The following GRIN2A variants were observed in gnomAD, a reference collection of about 807,000 sequenced individuals.
The protein encoded by GRIN2A is glutamate receptor ionotropic, NMDA 2A.
GRIN2A carries 22 observed loss-of-function variants against 113.4 expected under a neutral mutation model. That is an observed-to-expected ratio of 0.19 (90% CI 0.14 to 0.28). The LOEUF (loss-of-function observed/expected upper bound fraction) is 0.28. Ranked by LOEUF, GRIN2A falls within the 10% of genes least tolerant of loss-of-function variation. GRIN2A has a pLI of 1.00. For synonymous variants in GRIN2A, 827 were observed against 738.4 expected, an observed-to-expected ratio of 1.12 and a Z score of -1.94; for missense variants, 1,502 against 1,887.0, an observed-to-expected ratio of 0.80 and a Z score of 3.78.
At chr16:10,108,002 G>C (rs1263175841) in intron 2 of GRIN2A, among the ~76,000 whole-genome samples, 1 of 152,210 alleles carries the variant, frequency 6.6e-6, no homozygotes, top group Non-Finnish European at 1.5e-5. Context: ...CCCTGGGCTA[G>C]ATCCTACTCA....
chr16:9,979,193 C>A (rs937081077), intron 2 of GRIN2A, among the ~76,000 whole-genome samples: 19 of 152,144 alleles, frequency 1.2e-4, no homozygotes, highest in African/African-American at 4.6e-4. Context: ...AAGATTCAAG[C>A]TCTCATTCTG....
At chr16:10,115,166 T>C (rs955823939) in intron 2 of GRIN2A, among the ~76,000 whole-genome samples, 1 of 152,240 alleles carries the variant, frequency 6.6e-6, no homozygotes, top group Non-Finnish European at 1.5e-5. Context: ...GAGACAGTCT[T>C]AAGACGGCTC....
At chr16:10,174,119 A>G (rs1259851115) in intron 2 of GRIN2A, among the ~76,000 whole-genome samples, 1 of 152,222 alleles carries the variant, frequency 6.6e-6, no homozygotes, top group East Asian at 1.9e-4. Flanking sequence ...AGCCATGAGA[A>G]CAGAGGTGTC....
Position 10,180,897 on chromosome 16 carries a change from A to G in GRIN2A, c.-18-468T>C. 1 of 202,028 alleles carries G rather than the reference A, an allele frequency of 4.9e-6. No homozygotes were observed. The highest frequency in any genetic ancestry group is 8.8e-5 in the South Asian group (1 of 11,402). The allele number at this position is 202,028 out of a possible 1,614,324, so 12.5% of individuals were successfully genotyped here. A position where few individuals can be genotyped will look rare whatever the true frequency, so the allele number is the denominator to read the frequency against. ...CCCCTGCTGGCGCGGAGCGAACTACAGACCCCGCAGGGCGTGCGGAGGCGG... is the reference window on the plus strand; with the variant it reads ...CCCCTGCTGGCGCGGAGCGAACTACGGACCCCGCAGGGCGTGCGGAGGCGG... On this transcript the variant is annotated intron_variant, in intron 1 of 12. Transcript: ENST00000330684. The surrounding 1 kb of genome is among the most constrained non-coding windows in gnomAD (Gnocchi z 7.0).
At chr16:9,909,170 G>C (rs1171302013) in intron 3 of GRIN2A, among the ~76,000 whole-genome samples, 1 of 152,182 alleles carries the variant, frequency 6.6e-6, no homozygotes, top group African/African-American at 2.4e-5. Flanking sequence ...AAAAGAGTTT[G>C]TGCAGGGAAA....
At chr16:10,128,912 G>T (rs1034886529) in intron 2 of GRIN2A, among the ~76,000 whole-genome samples, 1 of 152,216 alleles carries the variant, frequency 6.6e-6, no homozygotes, top group African/African-American at 2.4e-5. Flanking sequence ...ATTAACAATA[G>T]TATTTCTTAC....
intron 2 of GRIN2A, among the ~76,000 whole-genome samples, chr16:10,164,811 C>T (rs985873970): frequency 2.0e-5 from 3 of 152,052 alleles, no homozygotes; most frequent in Non-Finnish European, 2.9e-5. Flanking sequence ...AATATAAAAG[C>T]GATGCTTAAA....
At chr16:9,992,742 T>C (rs114140670) in intron 2 of GRIN2A, among the ~76,000 whole-genome samples, 1 of 152,144 alleles carries the variant, frequency 6.6e-6, no homozygotes, top group African/African-American at 2.4e-5. Flanking sequence ...ACAGTTCACA[T>C]GGAAGTGTGG....
intron 2 of GRIN2A, among the ~76,000 whole-genome samples, chr16:10,070,479 C>G (rs2047728573): frequency 6.6e-6 from 1 of 152,278 alleles, no homozygotes; most frequent in South Asian, 2.1e-4. Flanking sequence ...AGCCAGCCAT[C>G]TACAACATTG....
chr16:9,891,634 G>A (rs890521510), intron 3 of GRIN2A, among the ~76,000 whole-genome samples: 3 of 152,180 alleles, frequency 2.0e-5, no homozygotes, highest in Non-Finnish European at 4.4e-5. Flanking sequence ...ACAGATTTAT[G>A]ACAAATGATA....
intron 2 of GRIN2A, among the ~76,000 whole-genome samples, chr16:10,055,047 C>CAAAA (rs71133304): frequency 9.6e-4 from 10 of 10,394 alleles, no homozygotes; most frequent in Non-Finnish European, 1.2e-3. Context: ...GACTCTATCT[C>CAAAA]AAAAAAAAAA....
At chr16:9,806,032 T>A (rs140804927) in intron 10 of GRIN2A, among the ~76,000 whole-genome samples, 1 of 152,338 alleles carries the variant, frequency 6.6e-6, no homozygotes, top group African/African-American at 2.4e-5. Flanking sequence ...ATACCAACAT[T>A]GATGAATTTT....
At position 10,153,435 on chromosome 16, in the gene GRIN2A, T is replaced by C. The variant is rs191931064; in HGVS notation, c.414+26563A>G. Among the ~76,000 whole-genome samples, 637 of 152,318 alleles carry C rather than the reference T, an allele frequency of 4.2e-3. 6 individuals are homozygous for C. Among genetic ancestry groups the C allele is most frequent in the African/African-American group, 0.014 (602 of 41,568 alleles). On this transcript the variant is annotated intron_variant, in intron 2 of 12. Transcript: ENST00000330684. ...CCCAGGTGGAGTTTAGCAGGGAATC[T>C]GGACAGTGATGAAGTCATTTCAAAT... is the stretch of plus-strand genomic sequence containing the variant.
chr16:9,810,670 C>T (rs548079775), intron 10 of GRIN2A, among the ~76,000 whole-genome samples: 3 of 152,272 alleles, frequency 2.0e-5, no homozygotes, highest in Admixed American at 6.5e-5. Flanking sequence ...GAATGGCCCT[C>T]GCTTAGAGCC....
At chr16:10,051,970 A>G (rs73508611) in intron 2 of GRIN2A, among the ~76,000 whole-genome samples, 3,616 of 152,316 alleles carry the variant, frequency 0.024, 160 homozygotes, top group African/African-American at 0.083. Flanking sequence ...GTCACATACT[A>G]AAAAGTCTTG....
chr16:10,068,790 G>A (rs1037544243), intron 2 of GRIN2A, among the ~76,000 whole-genome samples: 1 of 152,190 alleles, frequency 6.6e-6, no homozygotes, highest in Non-Finnish European at 1.5e-5. Flanking sequence ...CCCAATCTAG[G>A]GTGATCAGGG....
intron 2 of GRIN2A, among the ~76,000 whole-genome samples, chr16:10,085,640 G>A (rs2048072410): frequency 6.6e-6 from 1 of 152,180 alleles, no homozygotes; most frequent in Non-Finnish European, 1.5e-5. Flanking sequence ...GGCAGAGTCA[G>A]GTGGTTGGTT....
intron 11 of GRIN2A, among the ~76,000 whole-genome samples, chr16:9,781,809 C>A (rs769385488): frequency 1.3e-5 from 2 of 152,092 alleles, no homozygotes; most frequent in Non-Finnish European, 2.9e-5. Flanking sequence ...TTTCTTCCAT[C>A]GTTATCTATA....
chr16:10,055,117 AAAAAAC>A, intron 2 of GRIN2A, among the ~76,000 whole-genome samples: 1 of 145,046 alleles, frequency 6.9e-6, no homozygotes, highest in Non-Finnish European at 1.5e-5. Flanking sequence ...AAAAAGAAAA[AAAAAAC>A]AGTAGTTGGA....
Sources: gnomAD v4.1 joint callset for allele counts (sites outside exome capture counted in the v4.1 genomes callset) on GRCh38, gnomAD v4.1.1 for gene constraint, Gnocchi (gnomAD v3.1) non-coding constraint, MANE v1.5 for transcripts, NCBI Gene and HGNC (gene_info 2026-07-23, HGNC 2026-07-21) for gene names.